CDC25A: variants seen among roughly 807,000 people sequenced by gnomAD.
CDC25A encodes the protein cell division cycle 25A, also known as M-phase inducer phosphatase 1.
CDC25A carries 17 observed loss-of-function variants against 64.6 expected under a neutral mutation model. That is an observed-to-expected ratio of 0.26 (90% CI 0.18 to 0.39). CDC25A has a LOEUF of 0.39. Among genes scored for constraint, CDC25A ranks in the 10% least tolerant of loss-of-function variants. The pLI, the probability that CDC25A is intolerant of heterozygous loss-of-function variation, is 1.00. For synonymous variants in CDC25A, 229 were observed against 238.6 expected, an observed-to-expected ratio of 0.96 and a Z score of 0.37; for missense variants, 473 against 654.8, an observed-to-expected ratio of 0.72 and a Z score of 3.03.
intron 6 of CDC25A, 21 bp downstream of exon 6, chr3:48,180,700 T>C: frequency 6.2e-7 from 1 of 1,610,572 alleles, no homozygotes; most frequent in Non-Finnish European, 8.5e-7. Flanking sequence ...GGAATTCCCC[T>C]ATGAAAGCCA....
chr3:48,182,915 G>A lies in CDC25A; in HGVS notation c.429+14C>T. The A allele has an allele frequency of 6.4e-7, 1 of 1,552,216 alleles. No homozygotes were observed. Among genetic ancestry groups the A allele is most frequent in the Non-Finnish European group, 8.9e-7 (1 of 1,123,540 alleles). ...CACCTCTGCCTCAGGTTAGTACATTGAAGTCACACTCACATTTTCCTTGTT... is the reference window on the plus strand; with the variant it reads ...CACCTCTGCCTCAGGTTAGTACATTAAAGTCACACTCACATTTTCCTTGTT... On this transcript the variant is annotated intron_variant, in intron 5 of 14. Coordinates refer to ENST00000302506, the MANE Select transcript of CDC25A (RefSeq NM_001789.3).
rs2031620226 is a variant in CDC25A, at chr3:48,158,593, T to C, written c.*352A>G. 5.2e-6 allele frequency: 1 copy of C among 192,396 alleles called. No individual in the cohort carries two copies. The highest frequency in any genetic ancestry group is 1.1e-5 in the Non-Finnish European group (1 of 94,036). 11.9% of individuals were successfully genotyped at this position (192,396 alleles called of 1,614,324 possible). A position where few individuals can be genotyped will look rare whatever the true frequency, so the allele number is the denominator to read the frequency against. On this transcript the variant is annotated 3_prime_UTR_variant, in exon 15 of 15. Transcript: ENST00000302506. ...TTGGCCAGCAGCATTTCTGTGTAAC[T>C]TCTCTACTCCCCTCCGTCTCCTCTC...
intron 5 of CDC25A, among the ~76,000 whole-genome samples, chr3:48,182,298 G>C (rs2032697328): frequency 6.6e-6 from 1 of 152,164 alleles, no homozygotes; most frequent in African/African-American, 2.4e-5. Context: ...AATGGAAAAG[G>C]GGAGAAAGTA....
chr3:48,186,076 G>C (rs1050403104), intron 2 of CDC25A, among the ~76,000 whole-genome samples: 7 of 152,208 alleles, frequency 4.6e-5, no homozygotes, highest in Non-Finnish European at 8.8e-5. Context: ...TCACTGAAAT[G>C]ATTTCATGAC....
intron 8 of CDC25A, among the ~76,000 whole-genome samples, chr3:48,175,985 T>A (rs1256381414): frequency 6.6e-6 from 1 of 152,144 alleles, no homozygotes. Context: ...GCCAACATAG[T>A]GAAACCTCGT....
chr3:48,186,913 A>AGTGG, intron 1 of CDC25A, 134 bp from the exon 2 acceptor site: 1 of 624,518 alleles, frequency 1.6e-6, no homozygotes, highest in Non-Finnish European at 2.8e-6. Context: ...CAAGTGGCAA[A>AGTGG]GATCCCACTT....
At chr3:48,186,653 AT>A (rs921385950) in intron 2 of CDC25A, 49 bp downstream of exon 2, 2 of 1,162,416 alleles carry the variant, frequency 1.7e-6, no homozygotes, top group African/African-American at 3.0e-5. Flanking sequence ...GTGAAAAGGC[AT>A]GTTTCAGGAA....
intron 9 of CDC25A, among the ~76,000 whole-genome samples, chr3:48,171,903 C>A (rs2106721412): frequency 6.6e-6 from 1 of 152,312 alleles, no homozygotes; most frequent in South Asian, 2.1e-4. Context: ...TGCCTGTAGT[C>A]CCAGATACTT....
chr3:48,185,273 G>GGT (rs1431949467), intron 2 of CDC25A, among the ~76,000 whole-genome samples: 1 of 151,946 alleles, frequency 6.6e-6, no homozygotes, highest in Non-Finnish European at 1.5e-5. Context: ...AAATTAGTTG[G>GGT]GTGTGGTGGC....
chr3:48,186,250 C>T (rs2032838921), intron 2 of CDC25A, among the ~76,000 whole-genome samples: 1 of 152,134 alleles, frequency 6.6e-6, no homozygotes, highest in Non-Finnish European at 1.5e-5. Flanking sequence ...CATAAACAGC[C>T]ACAAGGGCTC....
At chr3:48,166,214 C>T (rs1219725219) in intron 10 of CDC25A, among the ~76,000 whole-genome samples, 1 of 152,062 alleles carries the variant, frequency 6.6e-6, no homozygotes, top group Non-Finnish European at 1.5e-5. Flanking sequence ...ATCCAGGAGG[C>T]GGAGGTTGCA....
intron 10 of CDC25A, among the ~76,000 whole-genome samples, 181 bp from the exon 11 acceptor site, chr3:48,166,074 CAG>C (rs1325815877): frequency 1.3e-5 from 2 of 152,146 alleles, no homozygotes; most frequent in African/African-American, 4.8e-5. Flanking sequence ...CACCTGAGGT[CAG>C]GAGTTCGAGA....
intron 10 of CDC25A, 22 bp downstream of exon 10, chr3:48,167,824 G>A (rs377314217): frequency 2.0e-5 from 26 of 1,288,108 alleles, no homozygotes; most frequent in Non-Finnish European, 2.7e-5. Context: ...ACACTTGCCA[G>A]AGCAGCTCTG....
In CDC25A at chr3:48,163,826, G is replaced by C. The variant is rs1478504748; in HGVS notation, c.1322+481C>G. Among the ~76,000 whole-genome samples the C allele has an allele frequency of 2.6e-5, 4 of 152,000 alleles. No homozygotes were observed. The East Asian group carries it at 7.7e-4, about 29-fold the overall frequency. ...GGTCCTTGTTGGTCCTGCTCGCTGT[G>C]GTATTTTTACTGTACTGTGTTTTAC... is the stretch of plus-strand genomic sequence containing the variant. On this transcript the variant is annotated intron_variant, in intron 13 of 14. Coordinates refer to ENST00000302506, the MANE Select transcript of CDC25A (RefSeq NM_001789.3).
chr3:48,178,122 G>T, intron 6 of CDC25A, 134 bp from the exon 7 acceptor site: 1 of 763,432 alleles, frequency 1.3e-6, no homozygotes, highest in Non-Finnish European at 2.1e-6. Flanking sequence ...AGCCATTACT[G>T]ATTATATGAA....
In CDC25A at chr3:48,177,860, A is replaced by C; in HGVS notation, c.678T>G (p.Asn226Lys). The C allele has an allele frequency of 6.2e-7, 1 of 1,613,920 alleles. No homozygotes were observed. Among genetic ancestry groups the C allele is most frequent in the Non-Finnish European group, 8.5e-7 (1 of 1,179,958 alleles). ...ACACACACACACACGGTACCTTCAG[A>C]TTCTCTCCATCGAGAAGGTCCACGA... ...DGFVDLLDGE[N>K]LKNEEETPSC... The change falls in exon 7 of 15, where the codon AAT becomes AAG. Residue 226 changes from asparagine to lysine, a missense_variant. Around this residue, in one of 2 missense-constraint regions of CDC25A, gnomAD observed 376 missense variants for 431.9 expected, o/e 0.87. Coordinates refer to ENST00000302506, the MANE Select transcript of CDC25A (RefSeq NM_001789.3).
intron 9 of CDC25A, among the ~76,000 whole-genome samples, chr3:48,169,498 C>A (rs1432656054): frequency 6.6e-6 from 1 of 152,134 alleles, no homozygotes; most frequent in East Asian, 1.9e-4. Context: ...ACTGTGGGAA[C>A]CTTTGCAGGA....
chr3:48,160,626 G>A (rs1317054939), intron 13 of CDC25A, among the ~76,000 whole-genome samples: 1 of 152,098 alleles, frequency 6.6e-6, no homozygotes, highest in African/African-American at 2.4e-5. Flanking sequence ...GGCCAGGCTG[G>A]TCTCGATCTC....
chr3:48,169,692 G>T (rs1017417471), intron 9 of CDC25A, among the ~76,000 whole-genome samples: 3 of 152,180 alleles, frequency 2.0e-5, no homozygotes, highest in Non-Finnish European at 2.9e-5. Context: ...ACCCAGACTG[G>T]ATATTTGACA....
Sources: allele counts gnomAD v4.1 joint callset (sites outside exome capture counted in the v4.1 genomes callset), GRCh38; gene constraint gnomAD v4.1.1; regional missense constraint gnomAD v4.1.1; transcripts MANE v1.5; gene names NCBI Gene and HGNC (gene_info 2026-07-23, HGNC 2026-07-21).